Variants in ZNF710 observed in about 807,000 individuals in gnomAD.
ZNF710 encodes zinc finger protein 710.
ZNF710 carries 13 observed loss-of-function variants against 50.6 expected under a neutral mutation model. The observed-to-expected ratio is 0.26, with a 90% confidence interval of 0.17 to 0.41. The LOEUF (loss-of-function observed/expected upper bound fraction) is 0.41, where lower values mean the gene tolerates loss of function less well. ZNF710 is among the 10% of genes least tolerant of loss of function. ZNF710 has a pLI of 1.00. For synonymous variants in ZNF710, 383 were observed against 397.0 expected (o/e 0.96, Z 0.42); for missense variants, 721 against 936.6 (o/e 0.77, Z 3.01).
rs564025099 is a variant in ZNF710, at chr15:90,062,669, G to T, written c.-28-4441G>T. Among the ~76,000 whole-genome samples, 5 of 152,310 alleles carry T rather than the reference G, an allele frequency of 3.3e-5. No homozygotes were observed. The South Asian group carries it at 1.0e-3, about 32-fold the overall frequency. On this transcript the variant is annotated intron_variant, in intron 1 of 4. Coordinates refer to ENST00000268154, the MANE Select transcript of ZNF710 (RefSeq NM_198526.4). The surrounding 1 kb of genome is among the most constrained non-coding windows in gnomAD (Gnocchi z 5.6). ...TTTAGCCTGGGAGATGGAACAGAGCGGGTGAGGAGACACGAGGCACAATGC... is the reference window on the plus strand; with the variant it reads ...TTTAGCCTGGGAGATGGAACAGAGCTGGTGAGGAGACACGAGGCACAATGC...
chr15:90,067,363 T>C lies in ZNF710; in HGVS notation c.226T>C (p.Leu76=). Residue 76 remains leucine, a synonymous_variant, in exon 2 of 5, where the codon TTG becomes CTG. Coordinates refer to ENST00000268154, the MANE Select transcript of ZNF710 (RefSeq NM_198526.4). This position sits in a 1 kb window ranked among gnomAD's most constrained non-coding sequence, Gnocchi z 8.1. ...VYQLACNGRA[L]EEPAEEEVLE... ...CCAGCTGGCCTGCAACGGGAGGGCCTTGGAGGAGCCGGCGGAGGAGGAGGT... is the reference window on the plus strand; with the variant it reads ...CCAGCTGGCCTGCAACGGGAGGGCCCTGGAGGAGCCGGCGGAGGAGGAGGT... The C allele has an allele frequency of 6.3e-7, 1 of 1,598,562 alleles. No homozygotes were observed. The highest frequency in any genetic ancestry group is 8.5e-7 in the Non-Finnish European group (1 of 1,172,540).
intron 3 of ZNF710, among the ~76,000 whole-genome samples, chr15:90,073,520 C>T (rs1900468691): frequency 3.3e-5 from 5 of 152,146 alleles, no homozygotes; most frequent in Admixed American, 2.6e-4. Flanking sequence ...GAAAGGACCC[C>T]AGCCTGAGGG....
intron 1 of ZNF710, among the ~76,000 whole-genome samples, chr15:90,063,814 G>A (rs191935472): frequency 1.2e-4 from 19 of 152,272 alleles, no homozygotes; most frequent in African/African-American, 4.1e-4. Flanking sequence ...TTATGCCCGC[G>A]CCCTTGAGGT....
At chr15:90,061,939 AGAC>A (rs1386454202) in intron 1 of ZNF710, among the ~76,000 whole-genome samples, 1 of 152,028 alleles carries the variant, frequency 6.6e-6, no homozygotes, top group Admixed American at 6.5e-5. Flanking sequence ...AGCTCTGAGG[AGAC>A]GGCGTCCCTG....
intron 1 of ZNF710, among the ~76,000 whole-genome samples, chr15:90,047,640 A>AC (rs1899508897): frequency 7.3e-6 from 1 of 137,776 alleles, no homozygotes; most frequent in Non-Finnish European, 1.5e-5. Context: ...GCTGGGGTGT[A>AC]GTGGTGCGAT....
intron 1 of ZNF710, among the ~76,000 whole-genome samples, chr15:90,019,176 A>C (rs1313351177): frequency 2.5e-5 from 3 of 118,886 alleles, no homozygotes; most frequent in Non-Finnish European, 5.3e-5. Context: ...CCATCTTATT[A>C]CTTTTTCTTT....
rs1555458521 is a variant in ZNF710 at position 90,057,690 on chromosome 15, A to AAATACT, written c.-28-9416_-28-9415insCTAATA. Among the ~76,000 whole-genome samples, 702 of 139,516 alleles carry AAATACT rather than the reference A, an allele frequency of 5.0e-3. 3 individuals carry two copies. Among genetic ancestry groups the AAATACT allele is most frequent in the African/African-American group, 0.018 (662 of 36,710 alleles). 91.5% of individuals were successfully genotyped at this position (139,516 alleles called of 152,430 possible). A position where few individuals can be genotyped will look rare whatever the true frequency, so the allele number is the denominator to read the frequency against. ...CCAGCCTGGGTTACAGAGCAAGACTAAATAATAATAATAATAATAATAATA... is the reference window on the plus strand; with the variant it reads ...CCAGCCTGGGTTACAGAGCAAGACTAAATACTAATAATAATAATAATAATAATAATA... On this transcript the variant is annotated intron_variant, in intron 1 of 4. Transcript: ENST00000268154.
chr15:90,005,537 C>T (rs1347511546), intron 1 of ZNF710, among the ~76,000 whole-genome samples: 1 of 152,204 alleles, frequency 6.6e-6, no homozygotes, highest in East Asian at 1.9e-4. Context: ...CAACCTTCGC[C>T]TCCTGGCTTC....
chr15:90,045,930 G>A (rs778467999), intron 1 of ZNF710, among the ~76,000 whole-genome samples: 29 of 152,244 alleles, frequency 1.9e-4, no homozygotes, highest in Admixed American at 6.5e-4. Flanking sequence ...GGGGCACGTC[G>A]GGCAGCGGGC....
At chr15:90,071,918 C>A (rs1185593175) in intron 2 of ZNF710, among the ~76,000 whole-genome samples, 1 of 152,122 alleles carries the variant, frequency 6.6e-6, no homozygotes, top group Non-Finnish European at 1.5e-5. Context: ...TTGTGATCTG[C>A]CCACCTTAGC....
intron 1 of ZNF710, among the ~76,000 whole-genome samples, chr15:90,013,409 G>T (rs758663538): frequency 3.9e-5 from 6 of 152,182 alleles, no homozygotes; most frequent in Non-Finnish European, 7.4e-5. Context: ...GCCAGGTGTT[G>T]TGTGATTTTT....
intron 1 of ZNF710, among the ~76,000 whole-genome samples, chr15:90,035,461 G>A (rs1218615578): frequency 6.6e-6 from 1 of 152,216 alleles, no homozygotes; most frequent in Non-Finnish European, 1.5e-5. Flanking sequence ...GGCTAGGAGG[G>A]TATTAGCAGG....
chr15:90,029,782 T>G (rs1210272311), intron 1 of ZNF710, among the ~76,000 whole-genome samples: 1 of 151,642 alleles, frequency 6.6e-6, no homozygotes, highest in Non-Finnish European at 1.5e-5. Context: ...GCCCGGCTAA[T>G]TTTTCTATTT....
At chr15:90,073,741 C>G (rs993636737) in intron 3 of ZNF710, among the ~76,000 whole-genome samples, 9 of 152,046 alleles carry the variant, frequency 5.9e-5, no homozygotes, top group African/African-American at 2.2e-4. Flanking sequence ...GTAATCCCAG[C>G]ATTTTGGGAG....
At chr15:89,999,821 G>A (rs1045169224), upstream of ZNF710, among the ~76,000 whole-genome samples, 4 of 152,066 alleles carry the variant, frequency 2.6e-5, no homozygotes, top group East Asian at 1.9e-4. Context: ...CCTGGGAGAA[G>A]GGACCCTTCA....
intron 1 of ZNF710, among the ~76,000 whole-genome samples, chr15:90,047,428 A>C (rs1812405629): frequency 1.3e-5 from 2 of 152,204 alleles, no homozygotes. Context: ...ATGCAAACTC[A>C]GGCCTTCAAC....
intron 4 of ZNF710, 145 bp from the exon 5 acceptor site, chr15:90,079,515 G>T: frequency 2.0e-6 from 2 of 1,000,068 alleles, no homozygotes; most frequent in Non-Finnish European, 2.9e-6. Context: ...GCGTCCGAGG[G>T]TGGGAAGGCT....
At chr15:90,054,490 C>A (rs980075564) in intron 1 of ZNF710, among the ~76,000 whole-genome samples, 2 of 152,104 alleles carry the variant, frequency 1.3e-5, no homozygotes, top group Admixed American at 6.5e-5. Context: ...TGGGTCTCGG[C>A]CCTGGGCCCA....
chr15:90,019,954 G>A (rs1382538696), intron 1 of ZNF710, among the ~76,000 whole-genome samples: 1 of 152,156 alleles, frequency 6.6e-6, no homozygotes, highest in African/African-American at 2.4e-5. Flanking sequence ...TGCTTATTGG[G>A]GGGCGGTGAG....
Sources: allele counts gnomAD v4.1 joint callset (sites outside exome capture counted in the v4.1 genomes callset), GRCh38; gene constraint gnomAD v4.1.1; non-coding constraint Gnocchi (gnomAD v3.1); transcripts MANE v1.5; gene names NCBI Gene and HGNC (gene_info 2026-07-23, HGNC 2026-07-21).